The following VNN1 variants were observed in gnomAD, a reference collection of about 807,000 sequenced individuals.
VNN1 encodes the protein vanin 1.
In VNN1, 29 loss-of-function variants were observed where a neutral mutation model predicts 41.9. That is an observed-to-expected ratio of 0.69 (90% confidence interval 0.52 to 0.94). VNN1 has a LOEUF of 0.94. Ranked by LOEUF, VNN1 falls within the 40% of genes least tolerant of loss-of-function variation. The pLI is 0.00. For synonymous variants in VNN1, 233 were observed against 224.4 expected, an observed-to-expected ratio of 1.04 and a Z score of -0.34; for missense variants, 637 against 621.1, an observed-to-expected ratio of 1.03 and a Z score of -0.27.
chr6:132,706,246 C>A (rs943053324), intron 2 of VNN1, among the ~76,000 whole-genome samples: 1 of 152,030 alleles, frequency 6.6e-6, no homozygotes, highest in African/African-American at 2.4e-5. Context: ...CATTACCTGA[C>A]TTTAAATTAT....
At chr6:132,685,426 T>A (rs1778191561) in intron 5 of VNN1, among the ~76,000 whole-genome samples, 1 of 152,218 alleles carries the variant, frequency 6.6e-6, no homozygotes, top group Non-Finnish European at 1.5e-5. Context: ...TGTATTAAGA[T>A]GGGATAGAAG....
rs2114344629 is a variant in VNN1, at chr6:132,692,442, T to C, written c.969A>G (p.Ile323Met). The change falls in exon 5 of 7, where the codon ATA becomes ATG. Residue 323 changes from isoleucine to methionine, a missense_variant. Ile to Met is a conservative substitution (Grantham distance 10, BLOSUM62 1). Transcript: ENST00000367928. ...CCTTGTTTCCTGATGAGAGCGCTTC[T>C]ATACTGCTGGCATAGGAAGTCCAGT... ...VVNWTSYASSIEALSSGNKEF... is the reference protein window; with the variant it reads ...VVNWTSYASSMEALSSGNKEF... 1.9e-6 allele frequency: 3 copies of C among 1,614,162 alleles called. No homozygotes were observed. In the East Asian group the frequency reaches 6.7e-5, roughly 36 times the overall value.
rs1237233817 is a variant in VNN1, at chr6:132,692,163, T to A, written c.1188+60A>T. Reference sequence around the variant, plus strand: ...AAAATCATTCATTATTTATCTAAACTGTATATTTAACTGAGTGTCTTTATT... The same window carrying A: ...AAAATCATTCATTATTTATCTAAACAGTATATTTAACTGAGTGTCTTTATT... On this transcript the variant is annotated intron_variant, in intron 5 of 6. Coordinates refer to ENST00000367928, the MANE Select transcript of VNN1 (RefSeq NM_004666.3). 11 of 1,477,168 alleles carry A rather than the reference T, an allele frequency of 7.4e-6. No homozygotes were observed. The East Asian group carries it at 2.3e-4, about 31-fold the overall frequency. The allele number at this position is 1,477,168 out of a possible 1,614,324, so 91.5% of individuals were successfully genotyped here.
At position 132,684,518 on chromosome 6, in the gene VNN1, T is replaced by C. The variant is rs759320187; in HGVS notation, c.1189-13A>G. 9 of 1,612,912 alleles carry C rather than the reference T, an allele frequency of 5.6e-6. No individual in the cohort carries two copies. In the South Asian group the frequency reaches 9.9e-5, roughly 18 times the overall value. On this transcript the variant is annotated splice_polypyrimidine_tract_variant and intron_variant, in intron 5 of 6. Transcript: ENST00000367928. The stretch of plus-strand genomic sequence containing the variant: ...ACAGGGTACAAATCTAGGGAAGTCA[T>C]GAAAACCAGTAAGTCATAAGAAAGT...
intron 2 of VNN1, 24 bp from the exon 3 acceptor site, chr6:132,694,206 A>G: frequency 1.9e-6 from 3 of 1,543,232 alleles, no homozygotes; most frequent in Non-Finnish European, 2.6e-6. Context: ...ATTGGAGGAA[A>G]AAAATCTTTG....
At chr6:132,688,770 T>C (rs535912494) in intron 5 of VNN1, among the ~76,000 whole-genome samples, 3 of 152,356 alleles carry the variant, frequency 2.0e-5, no homozygotes, top group Non-Finnish European at 4.4e-5. Context: ...TAAATGTTCT[T>C]CTACAATATG....
chr6:132,713,693 A>C, intron 1 of VNN1, 133 bp downstream of exon 1: 1 of 947,870 alleles, frequency 1.1e-6, no homozygotes, highest in Middle Eastern at 3.6e-4. Context: ...TCTAACTGTA[A>C]AATAAAGGTT....
chr6:132,688,042 C>T (rs1481477276), intron 5 of VNN1, among the ~76,000 whole-genome samples: 2 of 152,040 alleles, frequency 1.3e-5, no homozygotes, highest in South Asian at 2.1e-4. Flanking sequence ...TTGGAGGTAG[C>T]TTTTGGTGAT....
rs9402450 is a variant in VNN1, at chr6:132,706,190, A to T, written c.341+5519T>A. Reference sequence around the variant, plus strand: ...TGAAATTTACGTGGAAACACAGAAGATCCAGAAGCCCTCCTAAGCAAAAAG... The same window carrying T: ...TGAAATTTACGTGGAAACACAGAAGTTCCAGAAGCCCTCCTAAGCAAAAAG... On this transcript the variant is annotated intron_variant, in intron 2 of 6. Transcript: ENST00000367928. Among the ~76,000 whole-genome samples, 14 of 152,220 alleles carry T rather than the reference A, an allele frequency of 9.2e-5. No homozygotes were observed. The East Asian group carries it at 2.7e-3, about 29-fold the overall frequency.
chr6:132,700,037 A>C (rs530522330), intron 2 of VNN1, among the ~76,000 whole-genome samples: 2 of 152,346 alleles, frequency 1.3e-5, no homozygotes, highest in African/African-American at 4.8e-5. Flanking sequence ...TAAGTTACAC[A>C]AGCCTGAGTA....
intron 2 of VNN1, among the ~76,000 whole-genome samples, chr6:132,710,720 G>A (rs1407146747): frequency 6.6e-6 from 1 of 152,174 alleles, no homozygotes; most frequent in Non-Finnish European, 1.5e-5. Flanking sequence ...TTTTACAGCT[G>A]TGTAGTGTTC....
At chr6:132,710,428 C>T (rs1778582712) in intron 2 of VNN1, among the ~76,000 whole-genome samples, 2 of 151,972 alleles carry the variant, frequency 1.3e-5, no homozygotes, top group African/African-American at 4.8e-5. Flanking sequence ...AACATGCAGG[C>T]TTGTTACATA....
chr6:132,685,748 G>A (rs1206243051), intron 5 of VNN1, among the ~76,000 whole-genome samples: 1 of 152,168 alleles, frequency 6.6e-6, no homozygotes, highest in Non-Finnish European at 1.5e-5. Context: ...GAAAATAAAT[G>A]AGCAGAAAGT....
chr6:132,690,016 A>C (rs1421330903), intron 5 of VNN1, among the ~76,000 whole-genome samples: 1 of 152,210 alleles, frequency 6.6e-6, no homozygotes, highest in Non-Finnish European at 1.5e-5. Flanking sequence ...CCTGTTCCAC[A>C]TCAAATTGGC....
chr6:132,711,692 A>G lies in VNN1; in HGVS notation c.341+17T>C. The G allele has an allele frequency of 6.2e-7, 1 of 1,607,376 alleles. No homozygotes were observed. Among genetic ancestry groups the G allele is most frequent in the Non-Finnish European group, 8.5e-7 (1 of 1,177,740 alleles). On this transcript the variant is annotated intron_variant, in intron 2 of 6. Transcript: ENST00000367928. ...GTTGATGTTTACTAGTGAATTTTTC[A>G]CAAGTTGTTTCTTTACCTGTTACGA...
Position 132,711,820 on chromosome 6 carries a change from G to A in VNN1, c.230C>T (p.Thr77Ile). 6.2e-7 allele frequency: 1 copy of A among 1,614,022 alleles called. No homozygotes were observed. Among genetic ancestry groups the A allele is most frequent in the Non-Finnish European group, 8.5e-7 (1 of 1,179,940 alleles). ...CCAGCCATAAATAGCATCTTCTGGA[G>A]TCACAATAATATGCGCACCCTGTTA... ...AADQGAHIIV[T>I]PEDAIYGWNF... Residue 77 changes from threonine to isoleucine, a missense_variant, in exon 2 of 7, where the codon ACT (threonine) becomes ATT (isoleucine). Thr to Ile is a moderately conservative substitution (Grantham distance 89, BLOSUM62 -1). Coordinates refer to ENST00000367928, the MANE Select transcript of VNN1 (RefSeq NM_004666.3).
rs1461157649 is a variant in VNN1 at position 132,681,662 on chromosome 6, A to T, written c.*1478T>A. On this transcript the variant is annotated 3_prime_UTR_variant, in exon 7 of 7. Transcript: ENST00000367928. ...ATGTTTTCTGTTTTACATTGAAATT[A>T]TATGAGAATACAGAGAATTGCTCTG... The T allele has an allele frequency of 2.0e-5, 3 of 152,638 alleles. No individual in the cohort carries two copies. In the East Asian group the frequency reaches 5.8e-4, roughly 29 times the overall value. 9.5% of individuals were successfully genotyped at this position (152,638 alleles called of 1,614,324 possible).
intron 2 of VNN1, among the ~76,000 whole-genome samples, chr6:132,700,163 G>A (rs1778430311): frequency 6.6e-6 from 1 of 152,192 alleles, no homozygotes; most frequent in Admixed American, 6.5e-5. Context: ...AGATATGGCA[G>A]ATGGTCTCCA....
chr6:132,708,018 T>G (rs1778544400), intron 2 of VNN1, among the ~76,000 whole-genome samples: 1 of 152,202 alleles, frequency 6.6e-6, no homozygotes, highest in Non-Finnish European at 1.5e-5. Flanking sequence ...ATTGCATGCT[T>G]GTGTACAAAC....
Sources: allele counts gnomAD v4.1 joint callset (sites outside exome capture counted in the v4.1 genomes callset), GRCh38; gene constraint gnomAD v4.1.1; transcripts MANE v1.5; gene names NCBI Gene and HGNC (gene_info 2026-07-23, HGNC 2026-07-21).